Variants in FAM117B observed in about 807,000 individuals in gnomAD.
FAM117B encodes protein FAM117B.
Under a neutral mutation model 52.8 loss-of-function variants are expected in FAM117B, and 22 were observed. That is an observed-to-expected ratio of 0.42 (90% CI 0.30 to 0.59). FAM117B has a LOEUF of 0.59. FAM117B is among the 20% of genes least tolerant of loss of function. FAM117B has a pLI of 0.22. For synonymous variants in FAM117B, 309 were observed against 324.1 expected (o/e 0.95, Z 0.50); for missense variants, 678 against 802.6 (o/e 0.84, Z 1.88).
At chr2:202,728,453 A>G (rs1353673857) in intron 4 of FAM117B, among the ~76,000 whole-genome samples, 1 of 152,260 alleles carries the variant, frequency 6.6e-6, no homozygotes, top group Non-Finnish European at 1.5e-5. Context: ...AAAAATTTGT[A>G]AAGACTAATA....
intron 1 of FAM117B, among the ~76,000 whole-genome samples, chr2:202,640,775 A>T (rs1287515009): frequency 3.3e-5 from 5 of 151,804 alleles, no homozygotes; most frequent in Admixed American, 3.3e-4. Flanking sequence ...ATGCCCAGCT[A>T]ATTTTCTGTA....
intron 2 of FAM117B, among the ~76,000 whole-genome samples, chr2:202,702,540 G>C (rs1173495861): frequency 6.6e-6 from 1 of 152,152 alleles, no homozygotes; most frequent in Non-Finnish European, 1.5e-5. Context: ...GTGACTTATT[G>C]AAGGCTCAGA....
chr2:202,754,339 C>T (rs1279249238), intron 4 of FAM117B, among the ~76,000 whole-genome samples: 1 of 152,012 alleles, frequency 6.6e-6, no homozygotes, highest in African/African-American at 2.4e-5. Context: ...AACACATGGG[C>T]ACATAGAGGG....
chr2:202,668,202 AT>A lies in FAM117B; in HGVS notation c.602-27674del, dbSNP rs61255912. On this transcript the variant is annotated intron_variant, in intron 1 of 7. Coordinates refer to ENST00000392238, the MANE Select transcript of FAM117B (RefSeq NM_173511.4). ...TATATTATATAATATATATTTATAT[AT>A]TTTTATATAATATACAATATAATAT... Among the ~76,000 whole-genome samples the A allele has an allele frequency of 6.2e-5, 9 of 145,164 alleles. No homozygotes were observed. In the South Asian group the frequency reaches 6.3e-4, roughly 10 times the overall value.
chr2:202,661,984 A>G (rs969196890), intron 1 of FAM117B, among the ~76,000 whole-genome samples: 1 of 152,118 alleles, frequency 6.6e-6, no homozygotes, highest in Admixed American at 6.6e-5. Flanking sequence ...ATCCAAAGGA[A>G]ATGAAATCAG....
At chr2:202,690,474 T>C (rs1690603512) in intron 1 of FAM117B, among the ~76,000 whole-genome samples, 1 of 152,204 alleles carries the variant, frequency 6.6e-6, no homozygotes, top group Admixed American at 6.5e-5. Context: ...TGCAGAATCA[T>C]GCTCTGTACC....
At chr2:202,664,316 T>C (rs1690171044) in intron 1 of FAM117B, among the ~76,000 whole-genome samples, 2 of 152,202 alleles carry the variant, frequency 1.3e-5, no homozygotes, top group Admixed American at 6.5e-5. Flanking sequence ...GGAAAAATGA[T>C]AAAAATATTT....
chr2:202,692,694 A>G (rs1471262674), intron 1 of FAM117B, among the ~76,000 whole-genome samples: 3 of 152,202 alleles, frequency 2.0e-5, no homozygotes, highest in Non-Finnish European at 4.4e-5. Flanking sequence ...TTTACGTATC[A>G]TCTTCGAATT....
intron 1 of FAM117B, among the ~76,000 whole-genome samples, chr2:202,668,257 A>T (rs989965387): frequency 1.4e-5 from 2 of 146,134 alleles, no homozygotes; most frequent in African/African-American, 5.0e-5. Flanking sequence ...TTAGATACAT[A>T]TATAAAGATA....
intron 2 of FAM117B, among the ~76,000 whole-genome samples, chr2:202,707,483 C>T (rs567412316): frequency 6.6e-6 from 1 of 152,140 alleles, no homozygotes; most frequent in Non-Finnish European, 1.5e-5. Flanking sequence ...GTGGGTAGAT[C>T]ACTTGAGCTC....
chr2:202,758,781 C>CA (rs151175692), intron 6 of FAM117B, among the ~76,000 whole-genome samples: 1,895 of 151,782 alleles, frequency 0.012, 29 homozygotes, highest in Middle Eastern at 0.054. Flanking sequence ...AATTCATAGG[C>CA]AAAAAAAATG....
chr2:202,679,039 A>G (rs1384327088), intron 1 of FAM117B, among the ~76,000 whole-genome samples: 2 of 152,176 alleles, frequency 1.3e-5, no homozygotes. Flanking sequence ...CTCCTATAAC[A>G]ATATCATAAT....
chr2:202,737,131 T>C (rs776845096), intron 4 of FAM117B, among the ~76,000 whole-genome samples: 4 of 151,928 alleles, frequency 2.6e-5, no homozygotes, highest in Non-Finnish European at 5.9e-5. Flanking sequence ...CAGGTACACC[T>C]AACTTTTAAG....
chr2:202,650,046 T>C (rs1367885891), intron 1 of FAM117B, among the ~76,000 whole-genome samples: 1 of 152,066 alleles, frequency 6.6e-6, no homozygotes, highest in Non-Finnish European at 1.5e-5. Context: ...TTTTTTTTTT[T>C]GGATTTTTAG....
At chr2:202,692,927 AT>A (rs1223628160) in intron 1 of FAM117B, among the ~76,000 whole-genome samples, 2 of 152,154 alleles carry the variant, frequency 1.3e-5, no homozygotes, top group Admixed American at 1.3e-4. Flanking sequence ...TAAAGTTGGA[AT>A]GTGATTTAAT....
chr2:202,675,235 A>G (rs1437143777), intron 1 of FAM117B, among the ~76,000 whole-genome samples: 3 of 151,738 alleles, frequency 2.0e-5, no homozygotes, highest in Admixed American at 6.6e-5. Context: ...CTTAAAAAAA[A>G]AAAACAACAA....
At chr2:202,654,048 G>A (rs747815752) in intron 1 of FAM117B, among the ~76,000 whole-genome samples, 38 of 147,164 alleles carry the variant, frequency 2.6e-4, no homozygotes, top group Non-Finnish European at 4.3e-4. Context: ...GAGGGGGTGC[G>A]GGAAGAGAGT....
At chr2:202,733,826 G>T (rs1448017446) in intron 4 of FAM117B, among the ~76,000 whole-genome samples, 1 of 152,172 alleles carries the variant, frequency 6.6e-6, no homozygotes, top group Non-Finnish European at 1.5e-5. Context: ...GTGTTCCTGA[G>T]GTGATGTACA....
intron 2 of FAM117B, among the ~76,000 whole-genome samples, chr2:202,707,215 A>AT (rs371933346): frequency 0.012 from 1,714 of 144,296 alleles, 38 homozygotes; most frequent in African/African-American, 0.036. Context: ...CTAATTTTTA[A>AT]TTTTTTTTTT....
Sources: allele counts gnomAD v4.1 joint callset (sites outside exome capture counted in the v4.1 genomes callset), GRCh38; gene constraint gnomAD v4.1.1; transcripts MANE v1.5; gene names NCBI Gene and HGNC (gene_info 2026-07-23, HGNC 2026-07-21).